The following CHTOP variants were observed in gnomAD, a reference collection of about 807,000 sequenced individuals.
The protein encoded by CHTOP is chromatin target of PRMT1 protein.
Under a neutral mutation model 33.6 loss-of-function variants are expected in CHTOP, and 18 were observed. The ratio of observed to expected loss-of-function variants is 0.54; its 90% confidence interval spans 0.37 to 0.80. The LOEUF is 0.80. Ranked by LOEUF, CHTOP falls within the 30% of genes least tolerant of loss-of-function variation. CHTOP has a pLI of 0.00. For synonymous variants in CHTOP, 117 were observed against 127.7 expected, an observed-to-expected ratio of 0.92 and a Z score of 0.56; for missense variants, 263 against 336.8, an observed-to-expected ratio of 0.78 and a Z score of 1.71.
Position 153,636,649 on chromosome 1 carries a change from G to A in CHTOP, c.61G>A (p.Glu21Lys), listed in dbSNP as rs1668416637. The change falls in exon 2 of 6, where the codon GAG (glutamate) becomes AAG (lysine). Residue 21 changes from glutamate to lysine, a missense_variant. Transcript: ENST00000368694. ...LKSTTKMSLN[E>K]RFTNMLKNKQ... ...AAGCACCACCAAGATGTCTCTAAAT[G>A]AGCGGTGAGGCAGCCAACAGCAACT... 1 of 1,613,014 alleles carries A rather than the reference G, an allele frequency of 6.2e-7. No homozygotes were observed. Among genetic ancestry groups the A allele is most frequent in the Admixed American group, 1.7e-5 (1 of 59,956 alleles).
At chr1:153,643,122 C>G in intron 4 of CHTOP, 105 bp from the exon 5 acceptor site, 1 of 1,408,496 alleles carries the variant, frequency 7.1e-7, no homozygotes, top group Non-Finnish European at 1.0e-6. Context: ...AACCTAAAAA[C>G]TAACTGAATT....
rs778722078 is a variant in CHTOP, at chr1:153,638,530, A to G, written c.219+82A>G. 4.0e-6 allele frequency: 6 copies of G among 1,515,566 alleles called. No individual in the cohort carries two copies. In the South Asian group the frequency reaches 5.7e-5, roughly 14 times the overall value. 93.9% of individuals were successfully genotyped at this position (1,515,566 alleles called of 1,614,324 possible). A position where few individuals can be genotyped will look rare whatever the true frequency, so the allele number is the denominator to read the frequency against. On this transcript the variant is annotated intron_variant, in intron 3 of 5. Coordinates refer to ENST00000368694, the MANE Select transcript of CHTOP (RefSeq NM_015607.4). ...CACTGAGGCTGTCAGGACGTGATGG[A>G]TGATTGCAAAGTGGCTCAGGGCAAA...
intron 2 of CHTOP, chr1:153,638,014 G>A: frequency 2.6e-6 from 1 of 390,064 alleles, no homozygotes; most frequent in South Asian, 2.7e-5. Context: ...TCTGCTTATT[G>A]CGTGTTTTTC....
intron 3 of CHTOP, 118 bp from the exon 4 acceptor site, chr1:153,642,128 G>T: frequency 1.3e-6 from 1 of 776,586 alleles, no homozygotes. Context: ...ACCCACAACA[G>T]GTTTATCTCC....
Position 153,645,091 on chromosome 1 carries a change from G to C in CHTOP, c.569G>C (p.Gly190Ala), listed in dbSNP as rs1331291403. ...RGRGMIGRGRGGFGGRGRGRG... is the reference protein window; with the variant it reads ...RGRGMIGRGRAGFGGRGRGRG... ...CGGGGTATGATAGGTCGGGGAAGAG[G>C]GGGCTTTGGAGGCCGAGGCCGAGGC... Residue 190 changes from glycine to alanine, a missense_variant, in exon 6 of 6, where the codon GGG becomes GCG. Coordinates refer to ENST00000368694, the MANE Select transcript of CHTOP (RefSeq NM_015607.4). 22 of 1,613,428 alleles carry C rather than the reference G, an allele frequency of 1.4e-5. No homozygotes were observed. The highest frequency in any genetic ancestry group is 1.7e-5 in the Non-Finnish European group (20 of 1,179,960).
In CHTOP at chr1:153,643,383, TC is replaced by T; in HGVS notation, c.541+20del. ...GGTAGAGGTTAGTCAGCTACCAACT[TC>T]AGAGAGTAGCTCCCCCTTACTTTCC... On this transcript the variant is annotated intron_variant, in intron 5 of 5. Coordinates refer to ENST00000368694, the MANE Select transcript of CHTOP (RefSeq NM_015607.4). 1 of 1,513,162 alleles carries T rather than the reference TC, an allele frequency of 6.6e-7. No homozygotes were observed. Among genetic ancestry groups the T allele is most frequent in the Non-Finnish European group, 8.8e-7 (1 of 1,133,266 alleles). 93.7% of individuals were successfully genotyped at this position (1,513,162 alleles called of 1,614,324 possible).
In CHTOP at chr1:153,643,208, T is replaced by C. The variant is rs780921109; in HGVS notation, c.404-19T>C. On this transcript the variant is annotated intron_variant, in intron 4 of 5. Coordinates refer to ENST00000368694, the MANE Select transcript of CHTOP (RefSeq NM_015607.4). Reference sequence around the variant, plus strand: ...CTCTTGGATTTACCTGCATATACATTGTATGCCTCCTCTCTAAGGTCAAAA... The same window carrying C: ...CTCTTGGATTTACCTGCATATACATCGTATGCCTCCTCTCTAAGGTCAAAA... The C allele has an allele frequency of 2.5e-6, 4 of 1,614,000 alleles. No homozygotes were observed. In the South Asian group the frequency reaches 3.3e-5, roughly 13 times the overall value.
intron 1 of CHTOP, among the ~76,000 whole-genome samples, chr1:153,634,776 C>T (rs1668271151): frequency 6.6e-6 from 1 of 151,452 alleles, no homozygotes; most frequent in Admixed American, 6.6e-5. Flanking sequence ...AAAGTCCCTA[C>T]TTGATTCTGG....
intron 1 of CHTOP, among the ~76,000 whole-genome samples, chr1:153,635,053 A>G (rs374164313): frequency 1.2e-4 from 19 of 152,032 alleles, no homozygotes; most frequent in East Asian, 9.7e-4. Context: ...TTTCTCCATG[A>G]TGGTCAAGCT....
rs200592621 is a variant in CHTOP, at chr1:153,645,069, G to A, written c.547G>A (p.Gly183Ser). 8.7e-6 allele frequency: 14 copies of A among 1,611,750 alleles called. No homozygotes were observed. In the Admixed American group the frequency reaches 1.7e-4, roughly 19 times the overall value. The change falls in exon 6 of 6, where the codon GGT becomes AGT. Residue 183 changes from glycine (G) to serine (S), a missense_variant. Transcript: ENST00000368694. ...GRGGIGGRGRGMIGRGRGGFG... is the reference protein window; with the variant it reads ...GRGGIGGRGRSMIGRGRGGFG... ...TTTTTTCCCCTTTGGGCCAGGTCGGGGTATGATAGGTCGGGGAAGAGGGGG... is the reference window on the plus strand; with the variant it reads ...TTTTTTCCCCTTTGGGCCAGGTCGGAGTATGATAGGTCGGGGAAGAGGGGG...
chr1:153,643,377 C>G lies in CHTOP; in HGVS notation c.541+13C>G, dbSNP rs1668695279. The G allele has an allele frequency of 6.6e-7, 1 of 1,525,028 alleles. No homozygotes were observed. Among genetic ancestry groups the G allele is most frequent in the Non-Finnish European group, 8.8e-7 (1 of 1,139,438 alleles). The allele number at this position is 1,525,028 out of a possible 1,614,324, so 94.5% of individuals were successfully genotyped here. On this transcript the variant is annotated intron_variant, in intron 5 of 5. Transcript: ENST00000368694. ...ATCGGTGGTAGAGGTTAGTCAGCTA[C>G]CAACTTCAGAGAGTAGCTCCCCCTT... is the stretch of plus-strand genomic sequence containing the variant.
rs1322750490 is a variant in CHTOP, at chr1:153,643,238, C to T, written c.415C>T (p.Leu139Phe). ...GCCTCCTCTCTAAGGTCAAAACCTGCTCCGAGGTGGACGAGCCGTAGCTCC... is the reference window on the plus strand; with the variant it reads ...GCCTCCTCTCTAAGGTCAAAACCTGTTCCGAGGTGGACGAGCCGTAGCTCC... ...GGMSLRGQNL[L>F]RGGRAVAPRM... Residue 139 changes from leucine to phenylalanine, a missense_variant, in exon 5 of 6, where the codon CTC becomes TTC. Around this residue, in one of 3 missense-constraint regions of CHTOP, gnomAD observed 168 missense variants for 179.9 expected, o/e 0.93. Coordinates refer to ENST00000368694, the MANE Select transcript of CHTOP (RefSeq NM_015607.4). The T allele has an allele frequency of 1.9e-6, 3 of 1,614,136 alleles. No homozygotes were observed. Among genetic ancestry groups the T allele is most frequent in the Middle Eastern group, 3.3e-4 (2 of 6,060 alleles).
At chr1:153,641,629 G>A (rs144432970) in intron 3 of CHTOP, among the ~76,000 whole-genome samples, 1 of 152,338 alleles carries the variant, frequency 6.6e-6, no homozygotes, top group East Asian at 1.9e-4. Flanking sequence ...AAGGAAAGGA[G>A]ATTTGACTTT....
At chr1:153,636,098 T>C (rs1387940012) in intron 1 of CHTOP, among the ~76,000 whole-genome samples, 1 of 151,356 alleles carries the variant, frequency 6.6e-6, no homozygotes, top group Non-Finnish European at 1.5e-5. Context: ...ATTTTTTTTT[T>C]TTTTTTTCTT....
chr1:153,643,527 G>A (rs567884597), intron 5 of CHTOP, 163 bp downstream of exon 5: 3 of 673,538 alleles, frequency 4.5e-6, no homozygotes, highest in African/African-American at 3.8e-5. Context: ...TGCTGGTAGT[G>A]CAAAAGTCTC....
chr1:153,636,409 CAA>C (rs35357072), intron 1 of CHTOP, among the ~76,000 whole-genome samples, 161 bp from the exon 2 acceptor site: 24 of 122,670 alleles, frequency 2.0e-4, no homozygotes, highest in Admixed American at 4.0e-4. Context: ...GACCCTGTCT[CAA>C]AAAAAAAAAA....
In CHTOP at chr1:153,643,215, C is replaced by T. The variant is rs933429958; in HGVS notation, c.404-12C>T. The T allele has an allele frequency of 8.7e-6, 14 of 1,613,902 alleles. No homozygotes were observed. The highest frequency in any genetic ancestry group is 1.1e-5 in the Non-Finnish European group (13 of 1,179,936). ...ATTTACCTGCATATACATTGTATGC[C>T]TCCTCTCTAAGGTCAAAACCTGCTC... On this transcript the variant is annotated splice_polypyrimidine_tract_variant and intron_variant, in intron 4 of 5. Coordinates refer to ENST00000368694, the MANE Select transcript of CHTOP (RefSeq NM_015607.4).
intron 3 of CHTOP, among the ~76,000 whole-genome samples, 164 bp from the exon 4 acceptor site, chr1:153,642,082 G>A (rs1367425886): frequency 2.0e-5 from 3 of 152,120 alleles, no homozygotes; most frequent in Non-Finnish European, 4.4e-5. Context: ...CATGTTCTGA[G>A]GCAAAGGCTT....
At chr1:153,641,677 G>A (rs1222558586) in intron 3 of CHTOP, among the ~76,000 whole-genome samples, 8 of 152,192 alleles carry the variant, frequency 5.3e-5, no homozygotes, top group South Asian at 2.1e-4. Flanking sequence ...AAAGTGGACC[G>A]TCTGGAAATA....
Sources: allele counts gnomAD v4.1 joint callset (sites outside exome capture counted in the v4.1 genomes callset), GRCh38; gene constraint gnomAD v4.1.1; regional missense constraint gnomAD v4.1.1; transcripts MANE v1.5; gene names NCBI Gene and HGNC (gene_info 2026-07-23, HGNC 2026-07-21).